GARIN3: variants seen among roughly 807,000 people sequenced by gnomAD.
The protein encoded by GARIN3 is golgi associated RAB2 interactor family member 3, also known as Golgi-associated RAB2 interactor protein 3.
chr5:157,162,722 G>C, the GARIN3 span: 1 of 1,614,198 alleles, frequency 6.2e-7, no homozygotes, highest in South Asian at 1.1e-5. Flanking sequence ...TTCTTCCCCA[G>C]TTCCTGAGTT....
chr5:157,165,044 T>C, the GARIN3 span, among the ~76,000 whole-genome samples: 1 of 151,930 alleles, frequency 6.6e-6, no homozygotes, highest in Non-Finnish European at 1.5e-5. Flanking sequence ...CAAAAATCTG[T>C]ACAGTCTCCA....
chr5:157,163,052 C>T, the GARIN3 span: 21 of 1,614,248 alleles, frequency 1.3e-5, no homozygotes, highest in South Asian at 9.9e-5. Flanking sequence ...ATGTAGCCTT[C>T]GCTTTGCAAG....
the GARIN3 span, chr5:157,163,525 G>A: frequency 2.5e-5 from 40 of 1,614,026 alleles, no homozygotes; most frequent in Middle Eastern, 1.6e-4. Flanking sequence ...TGGAGAAGCC[G>A]CACTAGCCGT....
the GARIN3 span, chr5:157,165,820 G>T: frequency 6.2e-7 from 1 of 1,614,136 alleles, no homozygotes; most frequent in East Asian, 2.2e-5. Flanking sequence ...GTGAGCTCTA[G>T]AGTCTTGACG....
At chr5:157,162,572 C>G in the GARIN3 span, 1 of 1,614,070 alleles carries the variant, frequency 6.2e-7, no homozygotes, top group Non-Finnish European at 8.5e-7. Context: ...TGCTTCTCCA[C>G]CATCTTAGCC....
At chr5:157,162,394 G>A in the GARIN3 span, 1 of 1,551,294 alleles carries the variant, frequency 6.4e-7, no homozygotes, top group Non-Finnish European at 8.7e-7. Context: ...GCTGGGATGG[G>A]CTCCTCTAGG....
chr5:157,164,397 C>A, the GARIN3 span, among the ~76,000 whole-genome samples: 7 of 152,026 alleles, frequency 4.6e-5, no homozygotes, highest in African/African-American at 1.7e-4. Context: ...GGTGAGCCGC[C>A]TTCCTTGGCC....
the GARIN3 span, chr5:157,163,450 G>A: frequency 6.2e-7 from 1 of 1,614,186 alleles, no homozygotes; most frequent in Non-Finnish European, 8.5e-7. Context: ...TGCTGTTCCT[G>A]CCACTGCCAT....
chr5:157,162,638 C>G, the GARIN3 span: 1 of 1,614,104 alleles, frequency 6.2e-7, no homozygotes, highest in South Asian at 1.1e-5. Flanking sequence ...CCAGGAGTGG[C>G]CCTGAGGCTC....
chr5:157,163,670 G>A, the GARIN3 span: 2 of 1,604,804 alleles, frequency 1.2e-6, no homozygotes, highest in Non-Finnish European at 1.7e-6. Context: ...TATACCAAGG[G>A]GAAGAGAAAC....
At chr5:157,162,597 T>G in the GARIN3 span, 1 of 1,614,190 alleles carries the variant, frequency 6.2e-7, no homozygotes, top group South Asian at 1.1e-5. Flanking sequence ...TATCTACCTC[T>G]CTGTCATGTG....
chr5:157,163,674 G>C, the GARIN3 span: 1 of 1,602,772 alleles, frequency 6.2e-7, no homozygotes, highest in African/African-American at 1.3e-5. Context: ...CCAAGGGGAA[G>C]AGAAACAGAT....
the GARIN3 span, chr5:157,163,063 G>T: frequency 9.3e-6 from 15 of 1,614,242 alleles, no homozygotes; most frequent in South Asian, 1.3e-4. Context: ...GCTTTGCAAG[G>T]TGGAGATGAG....
chr5:157,163,330 G>T, the GARIN3 span: 9 of 1,613,942 alleles, frequency 5.6e-6, no homozygotes, highest in Non-Finnish European at 6.8e-6. Flanking sequence ...TCCCGCCAGC[G>T]CTGTGGTCAC....
the GARIN3 span, chr5:157,162,812 A>ACC: frequency 6.2e-7 from 1 of 1,614,024 alleles, no homozygotes; most frequent in East Asian, 2.2e-5. Context: ...ACGTTGCTGT[A>ACC]CCCTTTTTCT....
the GARIN3 span, among the ~76,000 whole-genome samples, chr5:157,165,286 G>C: frequency 2.0e-5 from 3 of 152,192 alleles, no homozygotes; most frequent in Non-Finnish European, 2.9e-5. Context: ...AGAAAAGACT[G>C]ACGATCAGGA....
At chr5:157,162,495 C>T in the GARIN3 span, 1 of 1,614,132 alleles carries the variant, frequency 6.2e-7, no homozygotes, top group Non-Finnish European at 8.5e-7. Context: ...TCTCGGATGT[C>T]ATAGTGCCAC....
the GARIN3 span, chr5:157,162,341 G>C: frequency 6.9e-7 from 1 of 1,457,946 alleles, no homozygotes; most frequent in Non-Finnish European, 9.2e-7. Context: ...ATTTCTTTTG[G>C]AGTTGTACGA....
chr5:157,166,027 C>T, the GARIN3 span: 9 of 1,614,086 alleles, frequency 5.6e-6, no homozygotes, highest in Admixed American at 6.7e-5. Flanking sequence ...AAATTACTCT[C>T]GAACATTGGT....
Sources: allele counts gnomAD v4.1 joint callset (sites outside exome capture counted in the v4.1 genomes callset), GRCh38; gene constraint gnomAD v4.1.1; transcripts MANE v1.5; gene names NCBI Gene and HGNC (gene_info 2026-07-23, HGNC 2026-07-21).